PPARA: variants seen among roughly 807,000 people sequenced by gnomAD.
PPARA encodes the protein peroxisome proliferator activated receptor alpha, also known as peroxisome proliferator-activated receptor alpha.
PPARA carries 22 observed loss-of-function variants against 42.2 expected under a neutral mutation model. The ratio of observed to expected loss-of-function variants is 0.52; its 90% CI spans 0.37 to 0.74. The LOEUF is 0.74. Among genes scored for constraint, PPARA ranks in the 30% least tolerant of loss-of-function variants. PPARA has a pLI of 0.00. For missense variants in PPARA, 465 were observed against 608.2 expected (o/e 0.76, Z 2.48); for synonymous variants, 242 against 239.3 (o/e 1.01, Z -0.10).
Position 46,240,248 on chromosome 22 carries a change from G to C in PPARA, c.*4868G>C, listed in dbSNP as rs1317601976. The C allele has an allele frequency of 7.5e-6, 3 of 398,534 alleles. No homozygotes were observed. The highest frequency in any genetic ancestry group is 6.2e-5 in the African/African-American group (3 of 48,602). 24.7% of individuals were successfully genotyped at this position (398,534 alleles called of 1,614,324 possible). A position where few individuals can be genotyped will look rare whatever the true frequency, so the allele number is the denominator to read the frequency against. On this transcript the variant is annotated 3_prime_UTR_variant, in exon 9 of 9. Transcript: ENST00000407236. This position sits in a 1 kb window ranked among gnomAD's most constrained non-coding sequence, Gnocchi z 6.0. ...CCTGTGGTCTCCTCAGCTGTTTGAG[G>C]GGGTAACAGCAAATCAGCCTCCATT...
At chr22:46,177,115 G>A (rs1157880160) in intron 3 of PPARA, among the ~76,000 whole-genome samples, 1 of 152,186 alleles carries the variant, frequency 6.6e-6, no homozygotes, top group Non-Finnish European at 1.5e-5. Context: ...GGAGGCTGAG[G>A]CAGGAGAATG....
At chr22:46,214,500 C>G (rs1379693398) in intron 4 of PPARA, among the ~76,000 whole-genome samples, 1 of 126,320 alleles carries the variant, frequency 7.9e-6, no homozygotes, top group East Asian at 2.3e-4. Flanking sequence ...ATGCGCGGGT[C>G]CGGAAATGTG....
chr22:46,231,972 G>A lies in PPARA; in HGVS notation c.892G>A (p.Ala298Thr), dbSNP rs1268516873. 2 of 1,614,228 alleles carry A rather than the reference G, an allele frequency of 1.2e-6. No homozygotes were observed. Among genetic ancestry groups the A allele is most frequent in the Non-Finnish European group, 1.7e-6 (2 of 1,180,046 alleles). ...TEFAKAIPGF[A>T]NLDLNDQVTL... is the part of the protein sequence containing the mutation. ...ATTCGCCAAGGCCATCCCAGGCTTC[G>A]CAAACTTGGACCTGAACGATCAAGT... Residue 298 changes from alanine (A) to threonine (T), a missense_variant, in exon 8 of 9, where the codon GCA becomes ACA. Physicochemically the swap from Ala to Thr is moderately conservative, Grantham distance 58. This residue lies in a region of PPARA where 313 missense variants were observed against 469.1 expected (regional missense o/e 0.67). Coordinates refer to ENST00000407236, the MANE Select transcript of PPARA (RefSeq NM_005036.6). This position sits in a 1 kb window ranked among gnomAD's most constrained non-coding sequence, Gnocchi z 7.7.
At chr22:46,151,154 G>A (rs1005789429) in intron 1 of PPARA, 15 of 152,394 alleles carry the variant, frequency 9.8e-5, no homozygotes, top group African/African-American at 3.6e-4. Flanking sequence ...GAGGAAACCC[G>A]GGCCCCGGAC....
intron 4 of PPARA, among the ~76,000 whole-genome samples, chr22:46,208,137 A>G (rs1429095435): frequency 6.6e-6 from 1 of 152,174 alleles, no homozygotes; most frequent in Non-Finnish European, 1.5e-5. Context: ...GACAAATAAT[A>G]ATTGTATTTT....
chr22:46,176,971 G>A (rs1314687985), intron 3 of PPARA, 135 bp downstream of exon 3: 1 of 152,308 alleles, frequency 6.6e-6, no homozygotes, highest in Non-Finnish European at 1.5e-5. Context: ...AGGACTTTGG[G>A]GGGCCAAGGC....
At chr22:46,215,120 A>T in intron 4 of PPARA, 53 bp from the exon 5 acceptor site, 1 of 1,594,924 alleles carries the variant, frequency 6.3e-7, no homozygotes. Context: ...CCCGGTTCAG[A>T]CACAGGATAG....
In PPARA at chr22:46,239,695, T is replaced by G. The variant is rs1936321653; in HGVS notation, c.*4315T>G. ...CCCTCTCCTCTTCACCTCTTCCTGC[T>G]GGCCACGAGGAAGCCACTTCCTCAG... On this transcript the variant is annotated 3_prime_UTR_variant, in exon 9 of 9. Transcript: ENST00000407236. 1 of 126,316 alleles carries G rather than the reference T, an allele frequency of 7.9e-6. No individual in the cohort carries two copies. The highest frequency in any genetic ancestry group is 1.6e-5 in the Non-Finnish European group (1 of 61,682). The allele number at this position is 126,316 out of a possible 1,614,324, so 7.8% of individuals were successfully genotyped here. A position where few individuals can be genotyped will look rare whatever the true frequency, so the allele number is the denominator to read the frequency against.
Position 46,150,697 on chromosome 22 carries a change from G to A in PPARA, c.-210+45G>A, listed in dbSNP as rs1259179580. 8 of 148,332 alleles carry A rather than the reference G, an allele frequency of 5.4e-5. No homozygotes were observed. The highest frequency in any genetic ancestry group is 1.1e-4 in the Non-Finnish European group (7 of 66,410). The allele number at this position is 148,332 out of a possible 1,614,324, so 9.2% of individuals were successfully genotyped here. ...CGGGCGGGCGGGAACGCGCGCGGGG[G>A]TCCGCGGTCCGGGCTTCCCAGGTCC... On this transcript the variant is annotated intron_variant, in intron 1 of 8. Coordinates refer to ENST00000407236, the MANE Select transcript of PPARA (RefSeq NM_005036.6). This position sits in a 1 kb window ranked among gnomAD's most constrained non-coding sequence, Gnocchi z 7.5.
chr22:46,195,234 C>T lies in PPARA; in HGVS notation c.-42-3108C>T, dbSNP rs557794725. On this transcript the variant is annotated intron_variant, in intron 3 of 8. Transcript: ENST00000407236. The surrounding 1 kb of genome is among the most constrained non-coding windows in gnomAD (Gnocchi z 4.6). Reference sequence around the variant, plus strand: ...ACTTGCTTTCTATTGGGATGAACCTCATGGTTAATACAGTTAGTTAGTGAC... The same window carrying T: ...ACTTGCTTTCTATTGGGATGAACCTTATGGTTAATACAGTTAGTTAGTGAC... Among the ~76,000 whole-genome samples the T allele has an allele frequency of 1.3e-5, 2 of 152,222 alleles. No homozygotes were observed. Among genetic ancestry groups the T allele is most frequent in the Admixed American group, 1.3e-4 (2 of 15,284 alleles).
chr22:46,151,402 G>A (rs1924408297), intron 1 of PPARA, among the ~76,000 whole-genome samples: 2 of 152,250 alleles, frequency 1.3e-5, no homozygotes, highest in African/African-American at 4.8e-5. Context: ...CCCGGGCTGC[G>A]CGGCCCGCGT....
At position 46,207,677 on chromosome 22, in the gene PPARA, AT is replaced by A. The variant is rs764662561; in HGVS notation, c.209-7473del. ...TATTATTATTATTATTATTATTATT[AT>A]TTTTTTTTTTTTTTTTTTTTTTAGA... On this transcript the variant is annotated intron_variant, in intron 4 of 8. Transcript: ENST00000407236. Among the ~76,000 whole-genome samples the A allele has an allele frequency of 9.3e-3, 468 of 50,534 alleles. 2 individuals carry two copies. The highest frequency in any genetic ancestry group is 0.035 in the African/African-American group (411 of 11,780). 33.2% of individuals were successfully genotyped at this position (50,534 alleles called of 152,430 possible).
intron 3 of PPARA, among the ~76,000 whole-genome samples, chr22:46,194,570 T>C (rs1394203896): frequency 1.0e-5 from 1 of 99,200 alleles, no homozygotes; most frequent in African/African-American, 4.7e-5. Context: ...GCTTTTTCCT[T>C]TTTTTTTTTT....
At chr22:46,199,329 A>G (rs1932745576) in intron 4 of PPARA, among the ~76,000 whole-genome samples, 1 of 152,200 alleles carries the variant, frequency 6.6e-6, no homozygotes, top group South Asian at 2.1e-4. Flanking sequence ...TATACTTCAT[A>G]GCAATTTAAA....
intron 2 of PPARA, chr22:46,155,095 T>G (rs1258173469): frequency 6.6e-6 from 1 of 151,828 alleles, no homozygotes; most frequent in Non-Finnish European, 1.5e-5. Flanking sequence ...TTTCTTCTCT[T>G]TTTTTGCTCT....
At position 46,195,621 on chromosome 22, in the gene PPARA, G is replaced by A. The variant is rs1269736938; in HGVS notation, c.-42-2721G>A. On this transcript the variant is annotated intron_variant, in intron 3 of 8. Transcript: ENST00000407236. This position sits in a 1 kb window ranked among gnomAD's most constrained non-coding sequence, Gnocchi z 4.6. Reference sequence around the variant, plus strand: ...GAAGCCAAAACATCCCTTCCTCACCGCACTAAAAGCTGTTGTTTACATGAA... The same window carrying A: ...GAAGCCAAAACATCCCTTCCTCACCACACTAAAAGCTGTTGTTTACATGAA... 1.3e-5 allele frequency among the ~76,000 whole-genome samples: 2 copies of A among 152,132 alleles called. No homozygotes were observed. The highest frequency in any genetic ancestry group is 2.9e-5 in the Non-Finnish European group (2 of 68,026).
chr22:46,182,648 GATAC>G lies in PPARA; in HGVS notation c.-43+5817_-43+5820del, dbSNP rs1254777500. ...GGCTATGATAGTGGTTTCACAGGTTGATACATACGGCAAAAAATACCAAATTTGT... is the reference window on the plus strand; with the variant it reads ...GGCTATGATAGTGGTTTCACAGGTTGATACGGCAAAAAATACCAAATTTGT... On this transcript the variant is annotated intron_variant, in intron 3 of 8. Coordinates refer to ENST00000407236, the MANE Select transcript of PPARA (RefSeq NM_005036.6). The surrounding 1 kb of genome is among the most constrained non-coding windows in gnomAD (Gnocchi z 5.2). Among the ~76,000 whole-genome samples the G allele has an allele frequency of 2.0e-5, 3 of 152,134 alleles. No individual in the cohort carries two copies. Among genetic ancestry groups the G allele is most frequent in the Admixed American group, 1.3e-4 (2 of 15,248 alleles).
chr22:46,218,153 T>A (rs1451543498), intron 5 of PPARA, 110 bp from the exon 6 acceptor site: 1 of 1,404,498 alleles, frequency 7.1e-7, no homozygotes, highest in Non-Finnish European at 9.9e-7. Flanking sequence ...CTCTAAATTT[T>A]GTTCATTTAA....
chr22:46,155,519 TG>T (rs1482203362), intron 2 of PPARA: 1 of 152,270 alleles, frequency 6.6e-6, no homozygotes, highest in Non-Finnish European at 1.5e-5. Context: ...TTTGCCATGT[TG>T]GCCAGGCTGG....
Sources: gnomAD v4.1 joint callset for allele counts (sites outside exome capture counted in the v4.1 genomes callset) on GRCh38, gnomAD v4.1.1 for gene constraint, gnomAD v4.1.1 regional missense constraint, Gnocchi (gnomAD v3.1) non-coding constraint, MANE v1.5 for transcripts, NCBI Gene and HGNC (gene_info 2026-07-23, HGNC 2026-07-21) for gene names.